Variants in MTDH observed in about 807,000 individuals in gnomAD.
MTDH encodes metadherin.
A neutral mutation model predicts 72.7 loss-of-function variants in MTDH; 34 were observed. The ratio of observed to expected loss-of-function variants is 0.47; its 90% CI spans 0.36 to 0.62. The LOEUF (loss-of-function observed/expected upper bound fraction) is 0.62. Among genes scored for constraint, MTDH ranks in the 20% least tolerant of loss-of-function variants. The pLI is 0.00. For missense variants in MTDH, 677 were observed against 699.4 expected, an observed-to-expected ratio of 0.97 and a Z score of 0.36; for synonymous variants, 266 against 268.9, an observed-to-expected ratio of 0.99 and a Z score of 0.10.
intron 7 of MTDH, among the ~76,000 whole-genome samples, chr8:97,706,200 CAGGT>C (rs1415981988): frequency 6.6e-6 from 1 of 152,090 alleles, no homozygotes; most frequent in Non-Finnish European, 1.5e-5. Flanking sequence ...TATAAAATGA[CAGGT>C]AGGGATTGTA....
intron 6 of MTDH, among the ~76,000 whole-genome samples, chr8:97,699,412 G>C (rs1043745049): frequency 2.0e-5 from 3 of 151,812 alleles, no homozygotes; most frequent in African/African-American, 7.3e-5. Context: ...ACTTCAGCCT[G>C]GGTGACAGAG....
intron 9 of MTDH, 58 bp from the exon 10 acceptor site, chr8:97,718,990 AT>A: frequency 6.7e-7 from 1 of 1,482,118 alleles, no homozygotes; most frequent in Middle Eastern, 1.8e-4. Flanking sequence ...ACCACCATAG[AT>A]TTTAATTAAT....
Position 97,719,013 on chromosome 8 carries a change from G to A in MTDH, c.1381-36G>A, listed in dbSNP as rs140022395. 1,169 of 1,536,674 alleles carry A rather than the reference G, an allele frequency of 7.6e-4. 14 individuals carry two copies. The African/African-American group carries it at 0.015, about 20-fold the overall frequency. ...AGATTTTAATTAATGAAGAATGAAT[G>A]CTTTATATAATCTAATAGGTTATTT... On this transcript the variant is annotated intron_variant, in intron 9 of 11. Coordinates refer to ENST00000336273, the MANE Select transcript of MTDH (RefSeq NM_178812.4).
intron 2 of MTDH, among the ~76,000 whole-genome samples, chr8:97,679,619 G>A (rs1310810560): frequency 6.6e-6 from 1 of 152,074 alleles, no homozygotes; most frequent in Non-Finnish European, 1.5e-5. Flanking sequence ...GAAGATATTC[G>A]AAAGAATGAA....
Position 97,661,103 on chromosome 8 carries a change from G to A in MTDH, c.413G>A (p.Gly138Asp). 6.2e-7 allele frequency: 1 copy of A among 1,613,348 alleles called. No homozygotes were observed. The highest frequency in any genetic ancestry group is 1.1e-5 in the South Asian group (1 of 90,904). ...GGGCGGACTGTTGAAGTGGCTGAGG[G>A]TGAAGCTGTTCGAACACCTCAAAGT... ...PNGRTVEVAE[G>D]EAVRTPQSVT... The change falls in exon 2 of 12, where the codon GGT (glycine) becomes GAT (aspartate). Residue 138 changes from glycine to aspartate, a missense_variant. Around this residue, in one of 3 missense-constraint regions of MTDH, gnomAD observed 467 missense variants for 469.1 expected, o/e 1.00. Coordinates refer to ENST00000336273, the MANE Select transcript of MTDH (RefSeq NM_178812.4).
rs796941424 is a variant in MTDH, at chr8:97,649,338, C to T, written c.381+4451C>T. Among the ~76,000 whole-genome samples, 18 of 152,246 alleles carry T rather than the reference C, an allele frequency of 1.2e-4. 1 individual carries two copies. The highest frequency in any genetic ancestry group is 4.3e-4 in the African/African-American group (18 of 41,552). On this transcript the variant is annotated intron_variant, in intron 1 of 11. Transcript: ENST00000336273. ...TCATCCTAACTAGTTTTCCTGCTTC[C>T]AGTTTCTTTTTTGCCAATCTTTTCT...
rs951658821 is a variant in MTDH, at chr8:97,644,403, C to T, written c.-104C>T. ...GCGCGAGGGACGGCCGCGATGCGCT[C>T]GGCCTGAGGTTACCCGGCCCGGCCC... On this transcript the variant is annotated 5_prime_UTR_variant, in exon 1 of 12. Coordinates refer to ENST00000336273, the MANE Select transcript of MTDH (RefSeq NM_178812.4). The T allele has an allele frequency of 5.0e-6, 7 of 1,409,714 alleles. No homozygotes were observed. In the African/African-American group the frequency reaches 9.2e-5, roughly 18 times the overall value. 87.3% of individuals were successfully genotyped at this position (1,409,714 alleles called of 1,614,324 possible). A position where few individuals can be genotyped will look rare whatever the true frequency, so the allele number is the denominator to read the frequency against.
chr8:97,682,270 A>ATATATATG (rs1813160922), intron 2 of MTDH, among the ~76,000 whole-genome samples: 1 of 6,522 alleles, frequency 1.5e-4, no homozygotes, highest in African/African-American at 5.7e-4. Context: ...ATATATATAT[A>ATATATATG]TATATATATA....
At position 97,726,411 on chromosome 8, in the gene MTDH, T is replaced by C. The variant is rs1300578502; in HGVS notation, c.*1741T>C. On this transcript the variant is annotated 3_prime_UTR_variant, in exon 12 of 12. Transcript: ENST00000336273. ...ATGACTTTATTCTGTTAGCTTTACA[T>C]AGGTGTTGGAGGATTCCTAAGGTGT... is the stretch of plus-strand genomic sequence containing the variant. 3 of 152,380 alleles carry C rather than the reference T, an allele frequency of 2.0e-5. No individual in the cohort carries two copies. The highest frequency in any genetic ancestry group is 2.9e-5 in the Non-Finnish European group (2 of 68,034). 9.4% of individuals were successfully genotyped at this position (152,380 alleles called of 1,614,324 possible). A position where few individuals can be genotyped will look rare whatever the true frequency, so the allele number is the denominator to read the frequency against.
At chr8:97,649,584 T>G (rs1275130380) in intron 1 of MTDH, among the ~76,000 whole-genome samples, 1 of 152,212 alleles carries the variant, frequency 6.6e-6, no homozygotes, top group African/African-American at 2.4e-5. Flanking sequence ...TGTGTCTCTT[T>G]ATTTATGATT....
At chr8:97,708,137 T>C (rs1814440356) in intron 8 of MTDH, among the ~76,000 whole-genome samples, 1 of 151,806 alleles carries the variant, frequency 6.6e-6, no homozygotes, top group African/African-American at 2.4e-5. Context: ...CCGGCTAATT[T>C]TTGTACTTTT....
chr8:97,653,905 A>G (rs1043246081), intron 1 of MTDH, among the ~76,000 whole-genome samples: 1 of 152,192 alleles, frequency 6.6e-6, no homozygotes, highest in Non-Finnish European at 1.5e-5. Context: ...ACAGATGTGT[A>G]TTTGCTGTAT....
rs372948579 is a variant in MTDH at position 97,719,027 on chromosome 8, A to G, written c.1381-22A>G. On this transcript the variant is annotated intron_variant, in intron 9 of 11. Coordinates refer to ENST00000336273, the MANE Select transcript of MTDH (RefSeq NM_178812.4). The stretch of plus-strand genomic sequence containing the variant: ...GAAGAATGAATGCTTTATATAATCT[A>G]ATAGGTTATTTTTCTCTATAGGACA... The G allele has an allele frequency of 2.6e-6, 4 of 1,566,248 alleles. No homozygotes were observed. The African/African-American group carries it at 5.5e-5, about 22-fold the overall frequency.
At chr8:97,684,066 G>A (rs1017082695) in intron 2 of MTDH, among the ~76,000 whole-genome samples, 5 of 151,518 alleles carry the variant, frequency 3.3e-5, no homozygotes, top group African/African-American at 9.7e-5. Context: ...GAACCCAGGC[G>A]GCAGAGGTTG....
intron 1 of MTDH, 94 bp downstream of exon 1, chr8:97,644,981 AAG>A (rs1811509161): frequency 1.4e-6 from 2 of 1,390,322 alleles, no homozygotes; most frequent in Admixed American, 3.2e-5. Flanking sequence ...CGGGAAGGAA[AAG>A]AGTGCTTAGT....
intron 8 of MTDH, among the ~76,000 whole-genome samples, chr8:97,708,924 T>C (rs577602973): frequency 2.5e-4 from 38 of 151,880 alleles, no homozygotes; most frequent in African/African-American, 8.9e-4. Context: ...AAACAGGATA[T>C]AGGCCGGGCA....
intron 4 of MTDH, 52 bp downstream of exon 4, chr8:97,687,657 T>G: frequency 7.1e-7 from 1 of 1,414,614 alleles, no homozygotes; most frequent in East Asian, 2.4e-5. Context: ...CTCCTTTTAT[T>G]CGGATGTACA....
rs991224714 is a variant in MTDH, at chr8:97,725,769, T to C, written c.*1099T>C. On this transcript the variant is annotated 3_prime_UTR_variant, in exon 12 of 12. Transcript: ENST00000336273. ...ATAAGGAACGTTTCCTGCTTGAAAT[T>C]ATATTGATTTAAATGATGTGTGAGA... is the stretch of plus-strand genomic sequence containing the variant. The C allele has an allele frequency of 6.6e-6, 1 of 152,614 alleles. No individual in the cohort carries two copies. The highest frequency in any genetic ancestry group is 1.5e-5 in the Non-Finnish European group (1 of 68,048). 9.5% of individuals were successfully genotyped at this position (152,614 alleles called of 1,614,324 possible).
At chr8:97,670,120 G>C (rs1031626154) in intron 2 of MTDH, among the ~76,000 whole-genome samples, 1 of 152,044 alleles carries the variant, frequency 6.6e-6, no homozygotes, top group Admixed American at 6.5e-5. Context: ...TTTGAGACCA[G>C]CTTGGGCAAC....
Sources: allele counts gnomAD v4.1 joint callset (sites outside exome capture counted in the v4.1 genomes callset), GRCh38; gene constraint gnomAD v4.1.1; regional missense constraint gnomAD v4.1.1; transcripts MANE v1.5; gene names NCBI Gene and HGNC (gene_info 2026-07-23, HGNC 2026-07-21).